Variants in MIR2052HG observed in about 807,000 individuals in gnomAD.
MIR2052HG encodes MIR2052 host gene.
chr8:74,630,222 A>G (rs1458759984), intron 2 of MIR2052HG, among the ~76,000 whole-genome samples: 2 of 152,154 alleles, frequency 1.3e-5, no homozygotes, highest in Non-Finnish European at 2.9e-5. Flanking sequence ...ACTCCCAAGA[A>G]TACTCCCCTC....
At chr8:74,717,233 A>G (rs150342639) in intron 4 of MIR2052HG, among the ~76,000 whole-genome samples, 1,923 of 150,776 alleles carry the variant, frequency 0.013, 32 homozygotes, top group African/African-American at 0.045. Context: ...TTCACCTCCC[A>G]CTTATGAGTG....
rs925757361 is a variant in MIR2052HG, at chr8:74,624,474, T to C, written n.216+11534T>C. ...ATTTGCTTATAATCATGTTCTCATATCTTTCAGTACACAACTGGCTCTTCC... is the reference window on the plus strand; with the variant it reads ...ATTTGCTTATAATCATGTTCTCATACCTTTCAGTACACAACTGGCTCTTCC... On this transcript the variant is annotated intron_variant and non_coding_transcript_variant, in intron 2 of 6. Coordinates refer to ENST00000523442, the Ensembl canonical transcript of MIR2052HG. Among the ~76,000 whole-genome samples the C allele has an allele frequency of 2.6e-5, 4 of 152,368 alleles. 1 individual carries two copies. Among genetic ancestry groups the C allele is most frequent in the African/African-American group, 9.6e-5 (4 of 41,588 alleles).
intron 2 of MIR2052HG, among the ~76,000 whole-genome samples, chr8:74,636,018 G>A (rs1808577527): frequency 6.6e-6 from 1 of 152,110 alleles, no homozygotes; most frequent in African/African-American, 2.4e-5. Context: ...CTGTTTCTGT[G>A]TCAGGCCCCC....
At chr8:74,626,987 A>G (rs762247588) in intron 2 of MIR2052HG, among the ~76,000 whole-genome samples, 2 of 152,306 alleles carry the variant, frequency 1.3e-5, no homozygotes, top group Middle Eastern at 3.4e-3. Context: ...CCAGCCTTAA[A>G]ATATTCTACT....
chr8:74,653,831 A>G (rs1808776489), intron 2 of MIR2052HG, among the ~76,000 whole-genome samples: 1 of 152,188 alleles, frequency 6.6e-6, no homozygotes, highest in African/African-American at 2.4e-5. Context: ...CATTCCCATA[A>G]TGTTACAGTA....
intron 4 of MIR2052HG, among the ~76,000 whole-genome samples, chr8:74,737,974 T>TTATG (rs558506362): frequency 6.1e-4 from 93 of 151,876 alleles, no homozygotes; most frequent in South Asian, 2.7e-3. Context: ...CTTTTATCTA[T>TTATG]TATCTATGTA....
chr8:74,738,067 G>A (rs533366606), intron 4 of MIR2052HG, among the ~76,000 whole-genome samples: 1 of 151,948 alleles, frequency 6.6e-6, no homozygotes, highest in Admixed American at 6.6e-5. Flanking sequence ...TATCATTTAT[G>A]TATGTATGTA....
chr8:74,685,018 A>G (rs1809165127), intron 2 of MIR2052HG, among the ~76,000 whole-genome samples: 1 of 152,082 alleles, frequency 6.6e-6, no homozygotes, highest in Non-Finnish European at 1.5e-5. Context: ...TGCTTAGATT[A>G]TCTGAGACTC....
chr8:74,668,305 A>G (rs1392079509), intron 2 of MIR2052HG, among the ~76,000 whole-genome samples: 1 of 152,150 alleles, frequency 6.6e-6, no homozygotes, highest in African/African-American at 2.4e-5. Context: ...GCCAAGAAGA[A>G]CAAGCAGATT....
intron 4 of MIR2052HG, among the ~76,000 whole-genome samples, chr8:74,726,067 C>T (rs1463169944): frequency 6.6e-6 from 1 of 152,004 alleles, no homozygotes; most frequent in Admixed American, 6.6e-5. Context: ...GTCGTGGGCA[C>T]CTGTAATCTC....
intron 4 of MIR2052HG, among the ~76,000 whole-genome samples, chr8:74,719,362 G>A (rs1263079210): frequency 6.6e-6 from 1 of 152,178 alleles, no homozygotes; most frequent in African/African-American, 2.4e-5. Context: ...AGCGAGCACT[G>A]GTCTGCAGTG....
upstream of MIR2052HG, chr8:74,599,770 C>G (rs7831505): frequency 8.9e-5 from 13 of 146,604 alleles, no homozygotes; most frequent in African/African-American, 2.0e-4. Context: ...TGGAGCTTTC[C>G]GGCTGCTTTG....
intron 4 of MIR2052HG, among the ~76,000 whole-genome samples, chr8:74,706,089 G>A (rs1012713965): frequency 3.9e-5 from 6 of 152,090 alleles, no homozygotes; most frequent in African/African-American, 1.4e-4. Context: ...GTTCTGCTCT[G>A]CAGTTGGTAT....
chr8:74,657,685 G>A (rs1346715708), intron 2 of MIR2052HG, among the ~76,000 whole-genome samples: 2 of 152,154 alleles, frequency 1.3e-5, no homozygotes, highest in Non-Finnish European at 2.9e-5. Context: ...GACAAGAGAG[G>A]AGATCTTGCC....
At chr8:74,738,125 G>GTATCTATC (rs760548566) in intron 4 of MIR2052HG, among the ~76,000 whole-genome samples, 23 of 132,806 alleles carry the variant, frequency 1.7e-4, no homozygotes, top group African/African-American at 4.6e-4. Context: ...ATGTATGTAT[G>GTATCTATC]TATGTATGTA....
chr8:74,753,288 G>A (rs1809966947), intron 5 of MIR2052HG, among the ~76,000 whole-genome samples: 1 of 151,372 alleles, frequency 6.6e-6, no homozygotes, highest in African/African-American at 2.4e-5. Flanking sequence ...TGCCACACAG[G>A]CAAATGTATA....
At chr8:74,644,382 G>A (rs1808669907) in intron 2 of MIR2052HG, among the ~76,000 whole-genome samples, 1 of 152,162 alleles carries the variant, frequency 6.6e-6, no homozygotes, top group Non-Finnish European at 1.5e-5. Context: ...GTAACATGCT[G>A]TACAGGTTTG....
chr8:74,744,388 A>G (rs1383345364), intron 4 of MIR2052HG, among the ~76,000 whole-genome samples: 1 of 151,778 alleles, frequency 6.6e-6, no homozygotes, highest in Non-Finnish European at 1.5e-5. Flanking sequence ...GGTTAGTTAC[A>G]TACGTATACA....
At chr8:74,678,842 A>G (rs1190414918) in intron 2 of MIR2052HG, among the ~76,000 whole-genome samples, 1 of 152,116 alleles carries the variant, frequency 6.6e-6, no homozygotes, top group African/African-American at 2.4e-5. Context: ...TCATTTATGT[A>G]TTAAAAACAT....
Sources: gnomAD v4.1 joint callset for allele counts (sites outside exome capture counted in the v4.1 genomes callset) on GRCh38, gnomAD v4.1.1 for gene constraint, MANE v1.5 for transcripts, NCBI Gene and HGNC (gene_info 2026-07-23, HGNC 2026-07-21) for gene names.